Variants in MEIKIN observed in about 807,000 individuals in gnomAD.
MEIKIN encodes the protein meiotic kinetochore factor.
chr5:131,892,045 C>T (rs1477143114), intron 8 of MEIKIN, among the ~76,000 whole-genome samples: 28 of 152,032 alleles, frequency 1.8e-4, no homozygotes, highest in Non-Finnish European at 5.9e-5. Flanking sequence ...ATATTGGCCC[C>T]CACTCTCTTC....
intron 8 of MEIKIN, among the ~76,000 whole-genome samples, chr5:131,911,563 C>G (rs1751335608): frequency 1.3e-5 from 2 of 151,488 alleles, no homozygotes; most frequent in Admixed American, 1.3e-4. Context: ...ATAACAATAT[C>G]TAGTATGGAG....
intron 9 of MEIKIN, among the ~76,000 whole-genome samples, chr5:131,855,738 C>G (rs1347134562): frequency 1.3e-5 from 2 of 151,948 alleles, no homozygotes; most frequent in African/African-American, 2.4e-5. Context: ...GAGAGAGAGA[C>G]AGAGAAGGAC....
chr5:131,887,489 C>T (rs942969074), intron 8 of MEIKIN, among the ~76,000 whole-genome samples: 32 of 152,290 alleles, frequency 2.1e-4, no homozygotes, highest in African/African-American at 7.2e-4. Context: ...CACATCCTCT[C>T]TAGCATCTGT....
At chr5:131,940,425 AT>A (rs1374821263) in intron 4 of MEIKIN, among the ~76,000 whole-genome samples, 1 of 151,928 alleles carries the variant, frequency 6.6e-6, no homozygotes, top group African/African-American at 2.4e-5. Flanking sequence ...CAGGGACTAT[AT>A]TTTTTTTCAT....
At chr5:131,900,313 T>C (rs937522159) in intron 8 of MEIKIN, among the ~76,000 whole-genome samples, 3 of 152,066 alleles carry the variant, frequency 2.0e-5, no homozygotes, top group Non-Finnish European at 2.9e-5. Flanking sequence ...AAGGAAGACA[T>C]AGATGCTAGG....
intron 8 of MEIKIN, among the ~76,000 whole-genome samples, chr5:131,901,612 C>G (rs1391144055): frequency 6.6e-6 from 1 of 152,178 alleles, no homozygotes; most frequent in Non-Finnish European, 1.5e-5. Context: ...GACCAGCAGT[C>G]TGGGAACACC....
intron 8 of MEIKIN, among the ~76,000 whole-genome samples, chr5:131,906,319 C>CA (rs1751241488): frequency 6.6e-6 from 1 of 152,098 alleles, no homozygotes; most frequent in African/African-American, 2.4e-5. Context: ...ACAATGATAC[C>CA]ATCTCACACT....
chr5:131,905,722 G>A (rs1046042916), intron 8 of MEIKIN, among the ~76,000 whole-genome samples: 2 of 151,912 alleles, frequency 1.3e-5, no homozygotes, highest in African/African-American at 4.8e-5. Context: ...AAACAAAATA[G>A]AGAACCCAAA....
At chr5:131,912,309 T>A (rs898630507) in intron 7 of MEIKIN, among the ~76,000 whole-genome samples, 17 of 150,288 alleles carry the variant, frequency 1.1e-4, no homozygotes, top group Non-Finnish European at 2.4e-4. Context: ...TATTATTATA[T>A]TATTATTATT....
At chr5:131,929,554 T>C (rs776323873) in intron 5 of MEIKIN, among the ~76,000 whole-genome samples, 1 of 152,150 alleles carries the variant, frequency 6.6e-6, no homozygotes, top group Non-Finnish European at 1.5e-5. Context: ...ATTTTAGATA[T>C]AGGGGGTACA....
chr5:131,933,717 T>C (rs1430905337), intron 4 of MEIKIN, 76 bp from the exon 5 acceptor site: 2 of 393,918 alleles, frequency 5.1e-6, no homozygotes, highest in East Asian at 7.2e-5. Flanking sequence ...TTGAAATGTA[T>C]GGAAATGTAC....
At chr5:131,915,108 T>C (rs1751397244) in intron 7 of MEIKIN, among the ~76,000 whole-genome samples, 1 of 152,148 alleles carries the variant, frequency 6.6e-6, no homozygotes, top group Non-Finnish European at 1.5e-5. Context: ...ATGAAGAAAG[T>C]GGCCAAATTT....
intron 11 of MEIKIN, among the ~76,000 whole-genome samples, chr5:131,825,831 T>C (rs1013422272): frequency 2.0e-5 from 3 of 152,198 alleles, no homozygotes; most frequent in African/African-American, 7.2e-5. Flanking sequence ...GAGTTAACCC[T>C]TTCCTGCATA....
intron 8 of MEIKIN, among the ~76,000 whole-genome samples, chr5:131,892,779 AG>A: frequency 6.6e-6 from 1 of 152,086 alleles, no homozygotes; most frequent in East Asian, 1.9e-4. Context: ...CCTTTGGAGG[AG>A]GAGAGGTGCT....
intron 11 of MEIKIN, among the ~76,000 whole-genome samples, chr5:131,832,107 CCA>C (rs1397742379): frequency 3.9e-5 from 6 of 152,150 alleles, no homozygotes; most frequent in Non-Finnish European, 8.8e-5. Flanking sequence ...AGTCCACAGT[CCA>C]CAGTCTCATC....
chr5:131,821,481 TA>T (rs1182945644), intron 11 of MEIKIN, among the ~76,000 whole-genome samples: 2 of 152,178 alleles, frequency 1.3e-5, no homozygotes, highest in African/African-American at 4.8e-5. Flanking sequence ...AGCCACTGGA[TA>T]AAATGTTCTA....
intron 11 of MEIKIN, among the ~76,000 whole-genome samples, chr5:131,847,739 C>T (rs1226187269): frequency 2.0e-5 from 3 of 151,874 alleles, no homozygotes; most frequent in South Asian, 4.1e-4. Context: ...CTCAAGTGCA[C>T]ATGGGATATT....
chr5:131,863,359 C>T (rs768694101), intron 9 of MEIKIN, among the ~76,000 whole-genome samples: 7 of 152,100 alleles, frequency 4.6e-5, no homozygotes, highest in African/African-American at 9.7e-5. Flanking sequence ...GATTTTCTGT[C>T]TAGATGATCT....
At chr5:131,823,407 T>C (rs1181789788) in intron 11 of MEIKIN, among the ~76,000 whole-genome samples, 6 of 152,008 alleles carry the variant, frequency 3.9e-5, no homozygotes, top group African/African-American at 1.4e-4. Flanking sequence ...CTCTCTGTCT[T>C]TTCAAATAGC....
Sources: allele counts gnomAD v4.1 joint callset (sites outside exome capture counted in the v4.1 genomes callset), GRCh38; gene constraint gnomAD v4.1.1; transcripts MANE v1.5; gene names NCBI Gene and HGNC (gene_info 2026-07-23, HGNC 2026-07-21).